Variants in ITSN1 observed in about 807,000 individuals in gnomAD.
The protein encoded by ITSN1 is intersectin-1.
ITSN1 carries 58 observed loss-of-function variants against 239.8 expected under a neutral mutation model. The observed-to-expected ratio is 0.24, with a 90% CI of 0.20 to 0.30. The LOEUF is 0.30. ITSN1 is among the 10% of genes least tolerant of loss of function. The pLI is 1.00. For synonymous variants in ITSN1, 780 were observed against 770.8 expected (o/e 1.01, Z -0.20); for missense variants, 1,558 against 2,103.3 (o/e 0.74, Z 5.07).
intron 33 of ITSN1, among the ~76,000 whole-genome samples, chr21:33,867,659 G>A (rs1981858048): frequency 6.7e-6 from 1 of 150,114 alleles, no homozygotes; most frequent in African/African-American, 2.5e-5. Flanking sequence ...AAAAAAAAGA[G>A]AGCTAATACT....
rs1986225893 is a variant in ITSN1 at position 33,889,676 on chromosome 21, T to C, written c.*1376T>C. 1 of 152,252 alleles carries C rather than the reference T, an allele frequency of 6.6e-6. No homozygotes were observed. The highest frequency in any genetic ancestry group is 2.4e-5 in the African/African-American group (1 of 41,468). The allele number at this position is 152,252 out of a possible 1,614,324, so 9.4% of individuals were successfully genotyped here. A position where few individuals can be genotyped will look rare whatever the true frequency, so the allele number is the denominator to read the frequency against. On this transcript the variant is annotated 3_prime_UTR_variant, in exon 40 of 40. Transcript: ENST00000381318. ...CATGAAATGTCCTTTGCATGTTCTG[T>C]TGGTACTGGAGTCTAGCTTTCCTGT...
intron 33 of ITSN1, among the ~76,000 whole-genome samples, chr21:33,871,420 ACTC>A: frequency 7.0e-6 from 1 of 142,646 alleles, no homozygotes; most frequent in Non-Finnish European, 1.5e-5. Flanking sequence ...ACAGAGTGAA[ACTC>A]TGTCTCAAAA....
Position 33,899,304 on chromosome 21 carries a change from CAGTG to C in ITSN1, c.*11006_*11009del, listed in dbSNP as rs1258975587. 6.6e-6 allele frequency: 1 copy of C among 152,220 alleles called. No homozygotes were observed. The highest frequency in any genetic ancestry group is 1.9e-4 in the East Asian group (1 of 5,202). 9.4% of individuals were successfully genotyped at this position (152,220 alleles called of 1,614,324 possible). ...TCAGAACGTGAGCTCCTTGTGCTTC[CAGTG>C]ACAAGCGGGCCACAGTGCTGGTGGC... On this transcript the variant is annotated 3_prime_UTR_variant, in exon 40 of 40. Transcript: ENST00000381318.
chr21:33,799,786 C>A, intron 18 of ITSN1, 22 bp from the exon 19 acceptor site: 1 of 1,611,586 alleles, frequency 6.2e-7, no homozygotes, highest in Non-Finnish European at 8.5e-7. Context: ...TTTTTGTCCC[C>A]CCCACCTTTT....
At chr21:33,764,320 A>G (rs995934875) in intron 9 of ITSN1, among the ~76,000 whole-genome samples, 1 of 152,218 alleles carries the variant, frequency 6.6e-6, no homozygotes, top group Admixed American at 6.5e-5. Context: ...GTGTGGTGAA[A>G]AAACAAGAAT....
At chr21:33,815,550 A>G (rs1221530018) in intron 22 of ITSN1, among the ~76,000 whole-genome samples, 2 of 152,166 alleles carry the variant, frequency 1.3e-5, no homozygotes, top group African/African-American at 4.8e-5. Flanking sequence ...GCGTAAAAGG[A>G]AATGAGCAGC....
chr21:33,706,746 GTTTA>G (rs1381623145), intron 1 of ITSN1, among the ~76,000 whole-genome samples: 2 of 152,098 alleles, frequency 1.3e-5, no homozygotes, highest in South Asian at 2.1e-4. Flanking sequence ...GGTTTTATTT[GTTTA>G]TTTATTTATT....
chr21:33,735,816 A>G lies in ITSN1; in HGVS notation c.346+612A>G, dbSNP rs542392208. ...TCAGGAGTTCGAGACCAGCCTGGTCAACATGGCGAAATCCCATCTCTACTG... is the reference window on the plus strand; with the variant it reads ...TCAGGAGTTCGAGACCAGCCTGGTCGACATGGCGAAATCCCATCTCTACTG... On this transcript the variant is annotated intron_variant, in intron 5 of 39. Coordinates refer to ENST00000381318, the MANE Select transcript of ITSN1 (RefSeq NM_003024.3). Among the ~76,000 whole-genome samples the G allele has an allele frequency of 2.0e-5, 3 of 152,220 alleles. No individual in the cohort carries two copies. The South Asian group carries it at 6.2e-4, about 32-fold the overall frequency.
At chr21:33,770,088 A>G (rs1052796864) in intron 11 of ITSN1, among the ~76,000 whole-genome samples, 3 of 132,896 alleles carry the variant, frequency 2.3e-5, no homozygotes, top group African/African-American at 8.5e-5. Flanking sequence ...TTTGAGATGG[A>G]GTTTTGCTCT....
At chr21:33,700,114 T>C (rs372780807) in intron 1 of ITSN1, among the ~76,000 whole-genome samples, 26 of 151,558 alleles carry the variant, frequency 1.7e-4, no homozygotes, top group Middle Eastern at 3.4e-3. Flanking sequence ...CGGAGTCTTG[T>C]TCTCTGTTGC....
At chr21:33,886,188 G>T (rs544665231) in intron 38 of ITSN1, 99 bp from the exon 39 acceptor site, 2 of 1,020,294 alleles carry the variant, frequency 2.0e-6, no homozygotes, top group African/African-American at 3.3e-5. Context: ...CTGCAGCCTG[G>T]GCGACAGAGC....
intron 21 of ITSN1, among the ~76,000 whole-genome samples, chr21:33,812,360 A>G (rs990241732): frequency 6.6e-6 from 1 of 152,162 alleles, no homozygotes; most frequent in East Asian, 1.9e-4. Context: ...TGCTATAATT[A>G]TGGGCACCTT....
In ITSN1 at chr21:33,890,063, C is replaced by G. The variant is rs1569351742; in HGVS notation, c.*1763C>G. On this transcript the variant is annotated 3_prime_UTR_variant, in exon 40 of 40. Coordinates refer to ENST00000381318, the MANE Select transcript of ITSN1 (RefSeq NM_003024.3). Reference sequence around the variant, plus strand: ...ACATGTTAGAGACCAAGTTTAACTTCAGGCATGCATTTGTTTACCATTTCC... The same window carrying G: ...ACATGTTAGAGACCAAGTTTAACTTGAGGCATGCATTTGTTTACCATTTCC... 1 of 152,312 alleles carries G rather than the reference C, an allele frequency of 6.6e-6. No homozygotes were observed. Among genetic ancestry groups the G allele is most frequent in the Non-Finnish European group, 1.5e-5 (1 of 68,020 alleles). The allele number at this position is 152,312 out of a possible 1,614,324, so 9.4% of individuals were successfully genotyped here.
intron 8 of ITSN1, among the ~76,000 whole-genome samples, chr21:33,761,624 A>G (rs574423853): frequency 6.6e-6 from 1 of 152,302 alleles, no homozygotes; most frequent in African/African-American, 2.4e-5. Context: ...AAAGATGGTA[A>G]TGTGGACAAA....
chr21:33,784,598 T>C (rs1238253605), intron 16 of ITSN1, among the ~76,000 whole-genome samples: 1 of 152,242 alleles, frequency 6.6e-6, no homozygotes, highest in African/African-American at 2.4e-5. Flanking sequence ...AGTGAATATG[T>C]TGTGTTATGG....
At chr21:33,820,668 C>G (rs1374532031) in intron 24 of ITSN1, among the ~76,000 whole-genome samples, 2 of 152,062 alleles carry the variant, frequency 1.3e-5, no homozygotes, top group Non-Finnish European at 2.9e-5. Flanking sequence ...GCTATAAAAC[C>G]TTATCACTAA....
At chr21:33,676,103 C>T (rs972645957) in intron 1 of ITSN1, among the ~76,000 whole-genome samples, 7 of 150,896 alleles carry the variant, frequency 4.6e-5, no homozygotes, top group Non-Finnish European at 7.4e-5. Context: ...GGCACGATCT[C>T]GGCTCACTGC....
intron 1 of ITSN1, among the ~76,000 whole-genome samples, chr21:33,701,575 T>C (rs1714112492): frequency 6.6e-6 from 1 of 151,866 alleles, no homozygotes. Flanking sequence ...GGTGGATCAC[T>C]TGAAGCCAGG....
rs564319483 is a variant in ITSN1, at chr21:33,658,241, T to C, written c.-33+15528T>C. 7.2e-5 allele frequency among the ~76,000 whole-genome samples: 11 copies of C among 152,294 alleles called. No homozygotes were observed. The East Asian group carries it at 1.7e-3, about 24-fold the overall frequency. On this transcript the variant is annotated intron_variant, in intron 1 of 39. Coordinates refer to ENST00000381318, the MANE Select transcript of ITSN1 (RefSeq NM_003024.3). ...ATTCTTCATCCTCATTGTCTTCACG[T>C]TGAGTAGGCTGAGGAGGAGGAAGAA...
Sources: gnomAD v4.1 joint callset for allele counts (sites outside exome capture counted in the v4.1 genomes callset) on GRCh38, gnomAD v4.1.1 for gene constraint, MANE v1.5 for transcripts, NCBI Gene and HGNC (gene_info 2026-07-23, HGNC 2026-07-21) for gene names.